PRIM2: variants seen among roughly 807,000 people sequenced by gnomAD.
PRIM2 encodes DNA primase large subunit.
In PRIM2, 39 loss-of-function variants were observed where a neutral mutation model predicts 67.3. The ratio of observed to expected loss-of-function variants is 0.58; its 90% CI spans 0.45 to 0.76. PRIM2 has a LOEUF of 0.76. PRIM2 is among the 30% of genes least tolerant of loss of function. The pLI, the probability that PRIM2 is intolerant of heterozygous loss-of-function variation, is 0.00. For synonymous variants in PRIM2, 143 were observed against 198.7 expected, an observed-to-expected ratio of 0.72 and a Z score of 2.36; for missense variants, 398 against 598.7, an observed-to-expected ratio of 0.66 and a Z score of 3.50.
the PRIM2 span, among the ~76,000 whole-genome samples, chr6:57,243,531 C>A: frequency 6.6e-6 from 1 of 152,158 alleles, no homozygotes; most frequent in Non-Finnish European, 1.5e-5. Context: ...TGCAGTGGTG[C>A]GATCTCAGCT....
At chr6:57,482,256 AAAG>A (rs1377194144) in intron 7 of PRIM2, among the ~76,000 whole-genome samples, 3 of 152,030 alleles carry the variant, frequency 2.0e-5, no homozygotes, top group African/African-American at 7.3e-5. Context: ...AGTTGTTCAG[AAAG>A]AAGTTATAAA....
At chr6:57,324,163 T>C in intron 3 of PRIM2, 38 bp from the exon 4 acceptor site, 1 of 1,140,252 alleles carries the variant, frequency 8.8e-7, no homozygotes, top group Non-Finnish European at 1.3e-6. Context: ...CTTACCATTC[T>C]AATGCATTTA....
At chr6:57,353,369 A>G (rs1349013801) in intron 5 of PRIM2, among the ~76,000 whole-genome samples, 1 of 152,204 alleles carries the variant, frequency 6.6e-6, no homozygotes, top group Non-Finnish European at 1.5e-5. Flanking sequence ...TAGGATCTGC[A>G]TACAAATAGA....
the PRIM2 span, among the ~76,000 whole-genome samples, chr6:57,302,500 G>A: frequency 6.6e-6 from 1 of 152,078 alleles, no homozygotes; most frequent in Non-Finnish European, 1.5e-5. Context: ...ATCCACTTAT[G>A]GTTAAGAAAT....
At chr6:57,323,405 A>G (rs887831905) in intron 3 of PRIM2, among the ~76,000 whole-genome samples, 20 of 152,120 alleles carry the variant, frequency 1.3e-4, no homozygotes, top group Non-Finnish European at 2.9e-5. Flanking sequence ...CACCTTGGAT[A>G]TAGGCTGGAT....
intron 13 of PRIM2, among the ~76,000 whole-genome samples, chr6:57,642,718 G>A (rs1297895419): frequency 6.6e-6 from 1 of 152,100 alleles, no homozygotes; most frequent in Non-Finnish European, 1.5e-5. Flanking sequence ...TGGGATTACA[G>A]GCGTGAGCCA....
intron 8 of PRIM2, among the ~76,000 whole-genome samples, chr6:57,523,501 T>C (rs1332920514): frequency 1.3e-5 from 2 of 152,190 alleles, no homozygotes; most frequent in Non-Finnish European, 2.9e-5. Flanking sequence ...TTCCACTACT[T>C]CCTGTTTACT....
chr6:57,508,919 A>T (rs1774302930), intron 8 of PRIM2, among the ~76,000 whole-genome samples: 1 of 152,202 alleles, frequency 6.6e-6, no homozygotes, highest in Admixed American at 6.5e-5. Context: ...TGTATTAGTC[A>T]ACATACCTAC....
chr6:57,640,069 AG>A (rs1179321859), intron 13 of PRIM2, among the ~76,000 whole-genome samples: 1 of 152,162 alleles, frequency 6.6e-6, no homozygotes, highest in African/African-American at 2.4e-5. Context: ...TGGGATGCAA[AG>A]CTGGTTCAAC....
intron 7 of PRIM2, among the ~76,000 whole-genome samples, chr6:57,403,287 CG>C (rs1730370801): frequency 7.2e-6 from 1 of 139,176 alleles, no homozygotes; most frequent in East Asian, 2.0e-4. Context: ...GATCCAGTCT[CG>C]CTCTGTTGCC....
At chr6:57,635,002 A>G (rs1231264654) in intron 13 of PRIM2, among the ~76,000 whole-genome samples, 4 of 152,140 alleles carry the variant, frequency 2.6e-5, no homozygotes, top group South Asian at 2.1e-4. Flanking sequence ...AATAGAATCT[A>G]TTTTTACTGT....
intron 7 of PRIM2, among the ~76,000 whole-genome samples, chr6:57,493,444 T>C (rs1223072250): frequency 6.6e-6 from 1 of 152,244 alleles, no homozygotes; most frequent in African/African-American, 2.4e-5. Flanking sequence ...AACTCTTTGA[T>C]AGTTCACATG....
chr6:57,546,233 A>G (rs1775288985), intron 10 of PRIM2, among the ~76,000 whole-genome samples: 2 of 152,236 alleles, frequency 1.3e-5, no homozygotes, highest in African/African-American at 4.8e-5. Flanking sequence ...GCCAACATTG[A>G]TTTTTAAGAA....
intron 8 of PRIM2, among the ~76,000 whole-genome samples, chr6:57,516,712 C>T (rs1774495655): frequency 1.3e-5 from 2 of 151,746 alleles, no homozygotes; most frequent in African/African-American, 4.8e-5. Context: ...CATGCTCACA[C>T]ACCTTTTAGC....
chr6:57,292,876 C>T, the PRIM2 span, among the ~76,000 whole-genome samples: 7,343 of 152,098 alleles, frequency 0.048, 384 homozygotes, highest in African/African-American at 0.13. Flanking sequence ...GACCTAAAAC[C>T]GTAAAAACCC....
intron 7 of PRIM2, among the ~76,000 whole-genome samples, chr6:57,506,853 C>T (rs1340431132): frequency 9.2e-5 from 14 of 151,938 alleles, no homozygotes; most frequent in Non-Finnish European, 1.6e-4. Context: ...ATATTAAATA[C>T]TTTGAGTTGC....
At chr6:57,246,418 G>A in the PRIM2 span, among the ~76,000 whole-genome samples, 1 of 152,148 alleles carries the variant, frequency 6.6e-6, no homozygotes, top group Non-Finnish European at 1.5e-5. Flanking sequence ...GCTTCAGTTT[G>A]GCTCAGTTTT....
intron 10 of PRIM2, among the ~76,000 whole-genome samples, chr6:57,556,302 C>T (rs1334256139): frequency 2.0e-5 from 3 of 152,056 alleles, no homozygotes; most frequent in African/African-American, 7.2e-5. Context: ...TTTTAAAATT[C>T]GTATGGAACC....
At chr6:57,589,333 G>A (rs1766287365) in intron 10 of PRIM2, among the ~76,000 whole-genome samples, 1 of 152,106 alleles carries the variant, frequency 6.6e-6, no homozygotes, top group African/African-American at 2.4e-5. Context: ...TTGGCAACAG[G>A]TACTGGCTGA....
Sources: gnomAD v4.1 joint callset for allele counts (sites outside exome capture counted in the v4.1 genomes callset) on GRCh38, gnomAD v4.1.1 for gene constraint, MANE v1.5 for transcripts, NCBI Gene and HGNC (gene_info 2026-07-23, HGNC 2026-07-21) for gene names.